COL4A6: variants seen among roughly 807,000 people sequenced by gnomAD.
The protein encoded by COL4A6 is collagen type IV alpha 6 chain.
Under a neutral mutation model 126.7 loss-of-function variants are expected in COL4A6, and 59 were observed. The ratio of observed to expected loss-of-function variants is 0.47; its 90% CI spans 0.38 to 0.58. The LOEUF (loss-of-function observed/expected upper bound fraction) is 0.58, where lower values mean the gene tolerates loss of function less well. Among genes scored for constraint, COL4A6 ranks in the 20% least tolerant of loss-of-function variants. The pLI, the probability that COL4A6 is intolerant of heterozygous loss-of-function variation, is 0.00. For synonymous variants in COL4A6, 547 were observed against 496.6 expected, an observed-to-expected ratio of 1.10 and a Z score of -1.35; for missense variants, 1,285 against 1,337.3, an observed-to-expected ratio of 0.96 and a Z score of 0.61.
intron 7 of COL4A6, 83 bp downstream of exon 7, chrX:108,211,589 G>A (rs1157314349): frequency 4.5e-6 from 4 of 883,858 alleles, no homozygotes; most frequent in Non-Finnish European, 6.6e-6. Context: ...GCTAGTTCTG[G>A]AAATGTTTTC....
rs147362613 is a variant in COL4A6, at chrX:108,160,584, C to T, written c.4404G>A (p.Thr1468=). 6.4e-5 allele frequency: 77 copies of T among 1,210,169 alleles called. No homozygotes were observed. In the African/African-American group the frequency reaches 8.0e-4, roughly 13 times the overall value. The change falls in exon 43 of 45, where the codon ACG becomes ACA. Residue 1468 remains threonine, a synonymous_variant. Transcript: ENST00000334504. ...MPGQSMRVGY[T]LVKHSQSEQV... is the part of the protein sequence containing the mutation. ...GTTCCGACTGGCTGTGCTTTACCAACGTGTAGCCCACTCTCATGCTCTGGC... is the reference window on the plus strand; with the variant it reads ...GTTCCGACTGGCTGTGCTTTACCAATGTGTAGCCCACTCTCATGCTCTGGC...
intron 3 of COL4A6, among the ~76,000 whole-genome samples, chrX:108,292,828 C>T (rs1021375446): frequency 2.3e-4 from 25 of 107,760 alleles, no homozygotes; most frequent in African/African-American, 4.1e-4. Context: ...AAAGCACTGT[C>T]GTCTCAGCTA....
intron 2 of COL4A6, among the ~76,000 whole-genome samples, chrX:108,431,788 T>C (rs895831010): frequency 1.8e-5 from 2 of 111,589 alleles, no homozygotes; most frequent in Non-Finnish European, 1.9e-5. Context: ...CACCATCCCA[T>C]AGGCTAGAGG....
chrX:108,262,208 AT>A (rs1033960617), intron 3 of COL4A6, among the ~76,000 whole-genome samples: 3 of 111,499 alleles, frequency 2.7e-5, no homozygotes, highest in African/African-American at 6.5e-5. Context: ...TTTGGCTGCC[AT>A]TCCTTCCACT....
chrX:108,296,343 G>A (rs959316039), intron 3 of COL4A6, among the ~76,000 whole-genome samples: 1 of 111,986 alleles, frequency 8.9e-6, no homozygotes, highest in Middle Eastern at 4.7e-3. Context: ...TAATGGGTGA[G>A]AATTGCTACT....
chrX:108,431,865 G>A (rs1467937948), intron 2 of COL4A6, among the ~76,000 whole-genome samples: 2 of 111,978 alleles, frequency 1.8e-5, no homozygotes, highest in African/African-American at 6.5e-5. Flanking sequence ...CTTTTCTTCT[G>A]TTGCGTTGGA....
chrX:108,301,362 G>GA (rs2038484628), intron 3 of COL4A6, among the ~76,000 whole-genome samples: 1 of 112,245 alleles, frequency 8.9e-6, no homozygotes, highest in Non-Finnish European at 1.9e-5. Flanking sequence ...AAGGATATTA[G>GA]AAAAACACTT....
intron 2 of COL4A6, among the ~76,000 whole-genome samples, chrX:108,322,857 T>C (rs1166711025): frequency 5.4e-5 from 6 of 111,843 alleles, no homozygotes; most frequent in Non-Finnish European, 1.1e-4. Flanking sequence ...AATTAGTATA[T>C]GTTCCATGCA....
chrX:108,202,226 C>G (rs948474099), intron 13 of COL4A6, among the ~76,000 whole-genome samples: 11 of 111,745 alleles, frequency 9.8e-5, no homozygotes, highest in African/African-American at 3.6e-4. Context: ...TCACTTTACC[C>G]TTCTTTCATC....
intron 2 of COL4A6, among the ~76,000 whole-genome samples, chrX:108,418,998 G>T (rs1481915627): frequency 8.9e-6 from 1 of 112,154 alleles, no homozygotes. Context: ...GTGATTTTTA[G>T]TGATAATCTC....
intron 3 of COL4A6, among the ~76,000 whole-genome samples, chrX:108,280,215 T>C (rs2037762243): frequency 9.0e-6 from 1 of 111,282 alleles, no homozygotes; most frequent in Admixed American, 9.5e-5. Flanking sequence ...GCTGGTTTTT[T>C]GAAAGGATCA....
At chrX:108,204,898 A>G (rs2035498638) in intron 11 of COL4A6, among the ~76,000 whole-genome samples, 1 of 110,636 alleles carries the variant, frequency 9.0e-6, no homozygotes, top group Admixed American at 9.7e-5. Context: ...AGGCTCTGAA[A>G]TCACAATGCA....
At position 108,327,917 on chromosome X, in the gene COL4A6, C is replaced by T. The variant is rs141164904; in HGVS notation, c.64-17089G>A. ...TAAGTGATGGCCTGAACACCAATAACGATAACTGCATTCAATGAAATTTGT... is the reference window on the plus strand; with the variant it reads ...TAAGTGATGGCCTGAACACCAATAATGATAACTGCATTCAATGAAATTTGT... On this transcript the variant is annotated intron_variant, in intron 2 of 44. Transcript: ENST00000334504. Among the ~76,000 whole-genome samples the T allele has an allele frequency of 4.1e-3, 451 of 111,049 alleles. 6 individuals are homozygous for T. The highest frequency in any genetic ancestry group is 0.036 in the Admixed American group (373 of 10,432).
rs1602691776 is a variant in COL4A6 at position 108,157,269 on chromosome X, G to C, written c.4813-9C>G. On this transcript the variant is annotated splice_polypyrimidine_tract_variant and intron_variant, in intron 44 of 44. Transcript: ENST00000334504. ...GCACCAGCGGCAGTGTGCTGAAACA[G>C]ACAGGAGATTAGTGCATGAGCTGTG... The C allele has an allele frequency of 5.0e-6, 6 of 1,206,743 alleles. No homozygotes were observed. Among genetic ancestry groups the C allele is most frequent in the Middle Eastern group, 2.3e-4 (1 of 4,320 alleles).
intron 3 of COL4A6, among the ~76,000 whole-genome samples, chrX:108,284,391 A>G (rs1432672713): frequency 1.8e-5 from 2 of 111,324 alleles, no homozygotes; most frequent in Non-Finnish European, 3.8e-5. Flanking sequence ...GCAAACCACC[A>G]TGGCACATGT....
intron 5 of COL4A6, among the ~76,000 whole-genome samples, chrX:108,219,008 G>T (rs1227918491): frequency 8.9e-6 from 1 of 112,354 alleles, no homozygotes; most frequent in Admixed American, 9.4e-5. Context: ...GTATTTTAAA[G>T]GCTGGTGCAA....
intron 2 of COL4A6, among the ~76,000 whole-genome samples, chrX:108,352,388 C>T (rs778361163): frequency 8.9e-6 from 1 of 112,511 alleles, no homozygotes; most frequent in East Asian, 2.8e-4. Flanking sequence ...TTCACAGAAT[C>T]CTAGTGACAA....
At chrX:108,224,317 G>T (rs888127539) in intron 3 of COL4A6, among the ~76,000 whole-genome samples, 4 of 112,044 alleles carry the variant, frequency 3.6e-5, no homozygotes, top group African/African-American at 1.3e-4. Context: ...CTCTCCTAAA[G>T]AACTCACATA....
At chrX:108,340,123 T>C (rs1569432761) in intron 2 of COL4A6, among the ~76,000 whole-genome samples, 1 of 111,114 alleles carries the variant, frequency 9.0e-6, no homozygotes, top group East Asian at 2.8e-4. Flanking sequence ...TTTATGTTCA[T>C]AGTGTACTGG....
Sources: allele counts gnomAD v4.1 joint callset (sites outside exome capture counted in the v4.1 genomes callset), GRCh38; gene constraint gnomAD v4.1.1; transcripts MANE v1.5; gene names NCBI Gene and HGNC (gene_info 2026-07-23, HGNC 2026-07-21).